The following FARP2 variants were observed in gnomAD, a reference collection of about 807,000 sequenced individuals.
FARP2 encodes FERM, ARHGEF and pleckstrin domain-containing protein 2.
A neutral mutation model predicts 130.5 loss-of-function variants in FARP2; 111 were observed. That is an observed-to-expected ratio of 0.85 (90% CI 0.73 to 1.00). The LOEUF is 1.00. FARP2 is among the 50% of genes least tolerant of loss of function. FARP2 has a pLI of 0.00. For missense variants in FARP2, 1,385 were observed against 1,346.3 expected, an observed-to-expected ratio of 1.03 and a Z score of -0.45; for synonymous variants, 504 against 516.9, an observed-to-expected ratio of 0.98 and a Z score of 0.34.
At chr2:241,440,514 T>C (rs1201466157) in intron 12 of FARP2, among the ~76,000 whole-genome samples, 1 of 152,112 alleles carries the variant, frequency 6.6e-6, no homozygotes, top group Non-Finnish European at 1.5e-5. Context: ...TCCCTCAGAC[T>C]TGTGGCCACT....
At position 241,463,956 on chromosome 2, in the gene FARP2, G is replaced by A; in HGVS notation, c.1869G>A (p.Leu623=). 6.2e-7 allele frequency: 1 copy of A among 1,614,066 alleles called. No individual in the cohort carries two copies. The highest frequency in any genetic ancestry group is 1.1e-5 in the South Asian group (1 of 91,056). The change falls in exon 17 of 27, where the codon CTG becomes CTA. Residue 623 remains leucine (L), a synonymous_variant. Coordinates refer to ENST00000264042, the MANE Select transcript of FARP2 (RefSeq NM_014808.4). ...KGSHQRIGDI[L]LRNMRQLKEF... Reference sequence around the variant, plus strand: ...GTCATCAACGAATCGGGGACATCCTGCTCAGGAACATGCGCCAGTTAAAGG... The same window carrying A: ...GTCATCAACGAATCGGGGACATCCTACTCAGGAACATGCGCCAGTTAAAGG...
chr2:241,466,465 C>G (rs1192479927), intron 17 of FARP2: 1 of 985,326 alleles, frequency 1.0e-6, no homozygotes, highest in Non-Finnish European at 1.2e-6. Flanking sequence ...CGGGGACCAG[C>G]AGACTCCTCA....
At chr2:241,405,964 CTTTT>C (rs1224981902) in intron 4 of FARP2, among the ~76,000 whole-genome samples, 2 of 151,604 alleles carry the variant, frequency 1.3e-5, no homozygotes, top group East Asian at 3.9e-4. Context: ...AACACATTAA[CTTTT>C]TTTTAAAAAA....
intron 8 of FARP2, among the ~76,000 whole-genome samples, chr2:241,422,444 C>A (rs997718274): frequency 6.6e-6 from 1 of 151,148 alleles, no homozygotes; most frequent in African/African-American, 2.4e-5. Context: ...AACCAAAAAA[C>A]CCATAAAAGC....
rs1559759750 is a variant in FARP2 at position 241,428,056 on chromosome 2, ACG to A, written c.772-3621_772-3620del. 2.0e-5 allele frequency among the ~76,000 whole-genome samples: 3 copies of A among 152,094 alleles called. No individual in the cohort carries two copies. In the East Asian group the frequency reaches 5.8e-4, roughly 30 times the overall value. On this transcript the variant is annotated intron_variant, in intron 8 of 26. Transcript: ENST00000264042. ...GCTGGGATTACAGGCATGAGCCACCACGCCCAGCCTAGGCCCTCGGTTTTTTA... is the reference window on the plus strand; with the variant it reads ...GCTGGGATTACAGGCATGAGCCACCACCCAGCCTAGGCCCTCGGTTTTTTA...
At position 241,494,068 on chromosome 2, in the gene FARP2, G is replaced by C. The variant is rs2065036603; in HGVS notation, c.3108G>C (p.Gln1036His). Residue 1036 changes from glutamine to histidine, a missense_variant, in exon 27 of 27, where the codon CAG becomes CAC. Gln to His is a conservative substitution (Grantham distance 24, BLOSUM62 0). Transcript: ENST00000264042. The surrounding 1 kb of genome is among the most constrained non-coding windows in gnomAD (Gnocchi z 4.9). ...SSAGRAPSIV[Q>H]DGPQPSSGLE... ...CCGGGAGGGCCCCAAGCATCGTGCA[G>C]GATGGCCCCCAACCCTCCTCAGGGC... is the stretch of plus-strand genomic sequence containing the variant. 7 of 1,442,612 alleles carry C rather than the reference G, an allele frequency of 4.9e-6. No individual in the cohort carries two copies. The highest frequency in any genetic ancestry group is 5.5e-6 in the Non-Finnish European group (6 of 1,100,424). 89.4% of individuals were successfully genotyped at this position (1,442,612 alleles called of 1,614,324 possible). A position where few individuals can be genotyped will look rare whatever the true frequency, so the allele number is the denominator to read the frequency against.
intron 6 of FARP2, 58 bp from the exon 7 acceptor site, chr2:241,413,249 A>G: frequency 9.8e-7 from 1 of 1,023,472 alleles, no homozygotes. Context: ...ATGCAATGAC[A>G]CATACAAATG....
intron 4 of FARP2, among the ~76,000 whole-genome samples, chr2:241,407,288 G>T (rs1272670139): frequency 1.3e-5 from 2 of 152,118 alleles, no homozygotes; most frequent in African/African-American, 4.8e-5. Flanking sequence ...GTGCAGTGGT[G>T]CAGTTGTAGC....
chr2:241,357,311 G>A (rs1016562552), intron 1 of FARP2, among the ~76,000 whole-genome samples: 10 of 152,130 alleles, frequency 6.6e-5, no homozygotes, highest in Non-Finnish European at 1.2e-4. Flanking sequence ...CAGTGGGTTA[G>A]CGTGTTGGTC....
In FARP2 at chr2:241,441,300, C is replaced by T. The variant is rs2063376442; in HGVS notation, c.1159-4C>T. Reference sequence around the variant, plus strand: ...TTTTTTCTTTTCTTAACTTTGGTTCCCAGAGCATCTCATTCCCCGAGGGAT... The same window carrying T: ...TTTTTTCTTTTCTTAACTTTGGTTCTCAGAGCATCTCATTCCCCGAGGGAT... On this transcript the variant is annotated splice_region_variant and splice_polypyrimidine_tract_variant and intron_variant, in intron 12 of 26. Transcript: ENST00000264042. 1 of 1,568,298 alleles carries T rather than the reference C, an allele frequency of 6.4e-7. No individual in the cohort carries two copies. The highest frequency in any genetic ancestry group is 8.6e-7 in the Non-Finnish European group (1 of 1,156,614).
intron 13 of FARP2, among the ~76,000 whole-genome samples, chr2:241,453,402 C>G (rs1364981708): frequency 6.6e-6 from 1 of 151,940 alleles, no homozygotes; most frequent in Non-Finnish European, 1.5e-5. Flanking sequence ...GCGGGCAGAT[C>G]ACAAGGTCAG....
intron 8 of FARP2, among the ~76,000 whole-genome samples, chr2:241,425,532 T>C (rs556398104): frequency 6.7e-6 from 1 of 149,634 alleles, no homozygotes; most frequent in Non-Finnish European, 1.5e-5. Flanking sequence ...GTAGCAGTAC[T>C]GGAAGCTAGA....
chr2:241,401,875 C>G (rs1373922485), intron 2 of FARP2, among the ~76,000 whole-genome samples: 2 of 151,848 alleles, frequency 1.3e-5, no homozygotes, highest in Non-Finnish European at 2.9e-5. Context: ...CTGCAACATC[C>G]GCCTCCCGGG....
At chr2:241,430,396 A>G (rs1221896420) in intron 8 of FARP2, among the ~76,000 whole-genome samples, 1 of 152,210 alleles carries the variant, frequency 6.6e-6, no homozygotes, top group African/African-American at 2.4e-5. Context: ...CAGTGTGCCC[A>G]TTGCTTTGTG....
intron 13 of FARP2, among the ~76,000 whole-genome samples, chr2:241,452,105 AAGAC>A (rs1305246749): frequency 1.3e-5 from 2 of 152,228 alleles, no homozygotes; most frequent in African/African-American, 2.4e-5. Context: ...AAGATTTTCT[AAGAC>A]AGAGGAGCAC....
intron 2 of FARP2, among the ~76,000 whole-genome samples, chr2:241,382,185 G>A (rs10169517): frequency 0.02 from 3,076 of 151,472 alleles, 108 homozygotes; most frequent in African/African-American, 0.071. Context: ...CATTTTTGTA[G>A]TCTTTTCAAA....
At chr2:241,382,312 T>TTTTTG (rs2061681657) in intron 2 of FARP2, among the ~76,000 whole-genome samples, 1 of 150,124 alleles carries the variant, frequency 6.7e-6, no homozygotes, top group African/African-American at 2.5e-5. Flanking sequence ...TTTTTTTTTT[T>TTTTTG]GAGGCAGGGT....
intron 7 of FARP2, among the ~76,000 whole-genome samples, chr2:241,417,505 CAG>C (rs1313528593): frequency 6.6e-6 from 1 of 152,046 alleles, no homozygotes; most frequent in Non-Finnish European, 1.5e-5. Flanking sequence ...GTATTTTTAG[CAG>C]AGACAGGGTT....
chr2:241,374,945 C>G (rs1175774004), intron 2 of FARP2, among the ~76,000 whole-genome samples: 1 of 152,060 alleles, frequency 6.6e-6, no homozygotes, highest in Non-Finnish European at 1.5e-5. Flanking sequence ...TAATTAGGCT[C>G]CCAAATCTTT....
Sources: gnomAD v4.1 joint callset for allele counts (sites outside exome capture counted in the v4.1 genomes callset) on GRCh38, gnomAD v4.1.1 for gene constraint, Gnocchi (gnomAD v3.1) non-coding constraint, MANE v1.5 for transcripts, NCBI Gene and HGNC (gene_info 2026-07-23, HGNC 2026-07-21) for gene names.